Variants in RANBP3L observed in about 807,000 individuals in gnomAD.
RANBP3L encodes the protein RAN binding protein 3 like.
A neutral mutation model predicts 67.2 loss-of-function variants in RANBP3L; 56 were observed. That is an observed-to-expected ratio of 0.83 (90% confidence interval 0.67 to 1.04). The LOEUF is 1.04. RANBP3L is among the 50% of genes least tolerant of loss of function. The probability of loss-of-function intolerance (pLI) is 0.00; values close to 1 mark genes in which losing one functional copy is unlikely to be tolerated. For synonymous variants in RANBP3L, 164 were observed against 181.4 expected (o/e 0.90, Z 0.77); for missense variants, 496 against 535.5 (o/e 0.93, Z 0.73).
At chr5:36,270,581 C>T (rs1035182112) in intron 2 of RANBP3L, among the ~76,000 whole-genome samples, 3 of 152,188 alleles carry the variant, frequency 2.0e-5, no homozygotes, top group Admixed American at 2.0e-4. Context: ...ACCTCTAACA[C>T]CTAGGCTCAA....
At chr5:36,271,458 A>G (rs1750209198) in intron 1 of RANBP3L, 147 bp from the exon 2 acceptor site, 1 of 606,026 alleles carries the variant, frequency 1.7e-6, no homozygotes, top group Non-Finnish European at 3.0e-6. Context: ...AATACTATCA[A>G]TTGCACATTT....
chr5:36,258,084 C>CA (rs1449190636), intron 8 of RANBP3L, among the ~76,000 whole-genome samples: 1 of 151,926 alleles, frequency 6.6e-6, no homozygotes, highest in Admixed American at 6.6e-5. Flanking sequence ...TGGAAAAAAA[C>CA]AAAAAAGTTA....
chr5:36,276,285 G>A (rs962070851), intron 1 of RANBP3L, among the ~76,000 whole-genome samples: 1 of 152,158 alleles, frequency 6.6e-6, no homozygotes, highest in Admixed American at 6.6e-5. Context: ...ATCTGAGTCT[G>A]TAGACAGGAA....
intron 13 of RANBP3L, among the ~76,000 whole-genome samples, chr5:36,250,571 A>T (rs960548158): frequency 6.6e-6 from 1 of 152,102 alleles, no homozygotes; most frequent in African/African-American, 2.4e-5. Context: ...TAATTGTATT[A>T]CTCAGTCCTC....
intron 12 of RANBP3L, among the ~76,000 whole-genome samples, chr5:36,252,850 C>T (rs6884331): frequency 0.32 from 48,005 of 151,984 alleles, 8,794 homozygotes; most frequent in South Asian, 0.49. Flanking sequence ...AGTACACTTA[C>T]TGGTAGCTAA....
intron 7 of RANBP3L, 142 bp downstream of exon 7, chr5:36,261,797 T>C: frequency 2.1e-6 from 1 of 478,726 alleles, no homozygotes; most frequent in Non-Finnish European, 3.8e-6. Context: ...TTTAAACTTG[T>C]GTTTCCTATA....
At chr5:36,251,239 C>A in intron 13 of RANBP3L, 74 bp downstream of exon 13, 3 of 1,243,918 alleles carry the variant, frequency 2.4e-6, no homozygotes, top group Non-Finnish European at 3.3e-6. Context: ...GTTAAAAAAT[C>A]TACCTAATAT....
chr5:36,251,029 T>C (rs1181147515), intron 13 of RANBP3L, among the ~76,000 whole-genome samples: 1 of 152,054 alleles, frequency 6.6e-6, no homozygotes, highest in Non-Finnish European at 1.5e-5. Context: ...TGAAGAGAAA[T>C]AAAAATGAAG....
At chr5:36,296,731 A>G (rs1752242420) in intron 1 of RANBP3L, among the ~76,000 whole-genome samples, 1 of 152,100 alleles carries the variant, frequency 6.6e-6, no homozygotes, top group African/African-American at 2.4e-5. Flanking sequence ...AACATTCTGA[A>G]TGTTTCGGTG....
At chr5:36,297,347 C>T (rs2112169726) in intron 1 of RANBP3L, among the ~76,000 whole-genome samples, 1 of 151,832 alleles carries the variant, frequency 6.6e-6, no homozygotes, top group East Asian at 1.9e-4. Context: ...CTTGCTGTCT[C>T]AAGGGTGGCA....
At chr5:36,264,447 A>G (rs1051427219) in intron 6 of RANBP3L, among the ~76,000 whole-genome samples, 7 of 152,186 alleles carry the variant, frequency 4.6e-5, no homozygotes, top group African/African-American at 1.4e-4. Flanking sequence ...CAGACACTAC[A>G]TAGTTGGAAG....
intron 4 of RANBP3L, among the ~76,000 whole-genome samples, chr5:36,265,906 G>A (rs559880606): frequency 6.6e-6 from 1 of 151,294 alleles, no homozygotes; most frequent in East Asian, 2.0e-4. Flanking sequence ...GAACCCAGGA[G>A]GTGGAGGTTG....
intron 8 of RANBP3L, among the ~76,000 whole-genome samples, chr5:36,259,651 C>A (rs1749233043): frequency 6.6e-6 from 1 of 151,538 alleles, no homozygotes; most frequent in South Asian, 2.1e-4. Context: ...TAAATCCGTA[C>A]ATGGGTTTTT....
intron 1 of RANBP3L, among the ~76,000 whole-genome samples, chr5:36,289,289 C>T (rs1334204973): frequency 1.3e-5 from 2 of 152,250 alleles, no homozygotes; most frequent in East Asian, 3.9e-4. Flanking sequence ...TATCCTTACA[C>T]TGATATCATC....
At chr5:36,256,260 C>A (rs545657850) in intron 10 of RANBP3L, among the ~76,000 whole-genome samples, 1 of 151,920 alleles carries the variant, frequency 6.6e-6, no homozygotes, top group Non-Finnish European at 1.5e-5. Flanking sequence ...TTAATCTAAT[C>A]CAAGGGTTAT....
intron 1 of RANBP3L, among the ~76,000 whole-genome samples, chr5:36,296,783 T>C (rs1752245683): frequency 6.6e-6 from 1 of 152,150 alleles, no homozygotes; most frequent in Admixed American, 6.5e-5. Context: ...CTAGTAGACT[T>C]TGACTCAAGC....
chr5:36,286,487 T>G (rs1159949119), intron 1 of RANBP3L, among the ~76,000 whole-genome samples: 1 of 152,172 alleles, frequency 6.6e-6, no homozygotes, highest in Non-Finnish European at 1.5e-5. Context: ...CAGTCATTCT[T>G]AAAGTGTGAT....
At chr5:36,264,191 C>T (rs1212648636) in intron 6 of RANBP3L, among the ~76,000 whole-genome samples, 5 of 152,088 alleles carry the variant, frequency 3.3e-5, no homozygotes, top group African/African-American at 1.2e-4. Context: ...GTGTTTCTGT[C>T]CTTATGTTCA....
chr5:36,265,994 A>AG (rs1488487255), intron 4 of RANBP3L, among the ~76,000 whole-genome samples: 30 of 130,472 alleles, frequency 2.3e-4, no homozygotes, highest in African/African-American at 1.4e-3. Flanking sequence ...AAAAAAAAAA[A>AG]AAAAAAGATA....
Sources: allele counts gnomAD v4.1 joint callset (sites outside exome capture counted in the v4.1 genomes callset), GRCh38; gene constraint gnomAD v4.1.1; transcripts MANE v1.5; gene names NCBI Gene and HGNC (gene_info 2026-07-23, HGNC 2026-07-21).